SOBP: variants seen among roughly 807,000 people sequenced by gnomAD.
The protein encoded by SOBP is sine oculis binding protein homolog.
In SOBP, 4 loss-of-function variants were observed where a neutral mutation model predicts 53.6. That is an observed-to-expected ratio of 0.07 (90% CI 0.04 to 0.17). The LOEUF (loss-of-function observed/expected upper bound fraction) is 0.17, where lower values mean the gene tolerates loss of function less well. Ranked by LOEUF, SOBP falls within the 10% of genes least tolerant of loss-of-function variation. SOBP has a pLI of 1.00. For synonymous variants in SOBP, 584 were observed against 522.6 expected, an observed-to-expected ratio of 1.12 and a Z score of -1.60; for missense variants, 1,088 against 1,204.7, an observed-to-expected ratio of 0.90 and a Z score of 1.43.
At chr6:107,587,401 G>A (rs945878290) in intron 5 of SOBP, among the ~76,000 whole-genome samples, 3 of 152,104 alleles carry the variant, frequency 2.0e-5, no homozygotes, top group Non-Finnish European at 4.4e-5. Flanking sequence ...GTCTTTATTA[G>A]CTTGTTGTGT....
intron 4 of SOBP, among the ~76,000 whole-genome samples, chr6:107,570,699 T>G (rs567826969): frequency 2.1e-4 from 32 of 152,334 alleles, no homozygotes; most frequent in African/African-American, 7.7e-4. Flanking sequence ...GAGGTAGGGC[T>G]TTTCCACCCA....
chr6:107,573,599 C>T (rs899699217), intron 4 of SOBP, among the ~76,000 whole-genome samples: 1 of 152,176 alleles, frequency 6.6e-6, no homozygotes, highest in Non-Finnish European at 1.5e-5. Context: ...GTTGGAGTGG[C>T]ACCACATGGC....
intron 5 of SOBP, among the ~76,000 whole-genome samples, chr6:107,629,653 A>G (rs78968899): frequency 0.027 from 4,149 of 152,320 alleles, 190 homozygotes; most frequent in African/African-American, 0.094. Flanking sequence ...TATCAGGAGC[A>G]AGTGATATAT....
intron 6 of SOBP, among the ~76,000 whole-genome samples, chr6:107,640,604 G>C (rs946092203): frequency 2.0e-5 from 3 of 152,180 alleles, no homozygotes; most frequent in African/African-American, 7.2e-5. Flanking sequence ...ATGGTGTCAA[G>C]ATTGGCCTGA....
chr6:107,559,480 C>T (rs1466055695), intron 4 of SOBP, among the ~76,000 whole-genome samples: 1 of 152,034 alleles, frequency 6.6e-6, no homozygotes, highest in Non-Finnish European at 1.5e-5. Flanking sequence ...ACTAAGAAAA[C>T]AATAGAAACA....
intron 1 of SOBP, among the ~76,000 whole-genome samples, chr6:107,492,997 T>C (rs1782614871): frequency 6.6e-6 from 1 of 152,192 alleles, no homozygotes; most frequent in African/African-American, 2.4e-5. Flanking sequence ...AAAAGTGGTT[T>C]CTCAAAGTCA....
intron 4 of SOBP, among the ~76,000 whole-genome samples, chr6:107,550,165 AGGATACT>A (rs1784423198): frequency 6.6e-6 from 1 of 152,246 alleles, no homozygotes; most frequent in South Asian, 2.1e-4. Flanking sequence ...GGCTTGGACC[AGGATACT>A]GGAATAGTGT....
At chr6:107,518,856 C>G (rs59929670) in intron 3 of SOBP, among the ~76,000 whole-genome samples, 3,382 of 151,230 alleles carry the variant, frequency 0.022, 149 homozygotes, top group African/African-American at 0.078. Flanking sequence ...ATTTTAAACT[C>G]CTCCTAATTT....
intron 4 of SOBP, among the ~76,000 whole-genome samples, chr6:107,550,852 A>G (rs972116959): frequency 1.4e-4 from 22 of 152,218 alleles, no homozygotes; most frequent in South Asian, 4.1e-4. Context: ...AATATCACGG[A>G]CTTTGTAGGA....
intron 5 of SOBP, among the ~76,000 whole-genome samples, chr6:107,604,788 G>A (rs1583262727): frequency 6.6e-6 from 1 of 152,210 alleles, no homozygotes. Flanking sequence ...AATTGTGTCA[G>A]CACCTTGGAG....
chr6:107,634,417 G>C lies in SOBP; in HGVS notation c.1573G>C (p.Val525Leu), dbSNP rs1770885051. ...APLVPPPTLL[V>L]PYPVIVPLPV... Reference sequence around the variant, plus strand: ...GCTGGTGCCGCCCCCGACCCTGCTCGTGCCGTACCCCGTGATCGTGCCCCT... The same window carrying C: ...GCTGGTGCCGCCCCCGACCCTGCTCCTGCCGTACCCCGTGATCGTGCCCCT... The change falls in exon 6 of 7, where the codon GTG (valine) becomes CTG (leucine). Residue 525 changes from valine to leucine, a missense_variant. This residue lies in a region of SOBP where 665 missense variants were observed against 629.7 expected (regional missense o/e 1.06). Transcript: ENST00000317357. The surrounding 1 kb of genome is among the most constrained non-coding windows in gnomAD (Gnocchi z 4.5). 6.2e-7 allele frequency: 1 copy of C among 1,605,166 alleles called. No homozygotes were observed. The highest frequency in any genetic ancestry group is 8.5e-7 in the Non-Finnish European group (1 of 1,179,716).
rs1169143426 is a variant in SOBP at position 107,635,362 on chromosome 6, A to G, written c.2518A>G (p.Met840Val). ...PVPKPAEKAA[M>V]APCIISSPML... ...GCCAAAACCCGCGGAGAAGGCTGCC[A>G]TGGCACCGTGCATCATCTCCTCGCC... The change falls in exon 6 of 7, where the codon ATG becomes GTG. Residue 840 changes from methionine to valine, a missense_variant. Around this residue, in one of 6 missense-constraint regions of SOBP, gnomAD observed 665 missense variants for 629.7 expected, o/e 1.06. Transcript: ENST00000317357. The surrounding 1 kb of genome is among the most constrained non-coding windows in gnomAD (Gnocchi z 4.5). 10 of 1,613,442 alleles carry G rather than the reference A, an allele frequency of 6.2e-6. No homozygotes were observed. Among genetic ancestry groups the G allele is most frequent in the Middle Eastern group, 1.6e-4 (1 of 6,084 alleles).
chr6:107,569,267 A>G (rs1008449546), intron 4 of SOBP, among the ~76,000 whole-genome samples: 1 of 152,232 alleles, frequency 6.6e-6, no homozygotes, highest in African/African-American at 2.4e-5. Flanking sequence ...GGATAAGACA[A>G]AAATAACAAT....
chr6:107,560,707 G>A (rs148348477), intron 4 of SOBP, among the ~76,000 whole-genome samples: 6 of 152,200 alleles, frequency 3.9e-5, no homozygotes, highest in African/African-American at 1.4e-4. Context: ...GAGACTCAGA[G>A]AACTTAACCT....
At chr6:107,589,608 T>C (rs1328358521) in intron 5 of SOBP, among the ~76,000 whole-genome samples, 4 of 152,228 alleles carry the variant, frequency 2.6e-5, no homozygotes, top group Admixed American at 2.6e-4. Context: ...AATCCCAAAC[T>C]GTGATATGTG....
intron 4 of SOBP, among the ~76,000 whole-genome samples, chr6:107,584,567 G>T (rs1785507677): frequency 6.6e-6 from 1 of 152,160 alleles, no homozygotes; most frequent in African/African-American, 2.4e-5. Flanking sequence ...GTCAGGGTGG[G>T]TGTTAGAGGA....
intron 1 of SOBP, among the ~76,000 whole-genome samples, chr6:107,499,813 T>C (rs1313098980): frequency 6.6e-6 from 1 of 152,352 alleles, no homozygotes; most frequent in South Asian, 2.1e-4. Context: ...GAGGCAGATA[T>C]CATAACCTGC....
At chr6:107,565,721 A>G (rs1784897950) in intron 4 of SOBP, among the ~76,000 whole-genome samples, 1 of 152,240 alleles carries the variant, frequency 6.6e-6, no homozygotes, top group Non-Finnish European at 1.5e-5. Context: ...GTGCAGAGTC[A>G]GAAGGACTGA....
At chr6:107,621,581 C>T (rs774637976) in intron 5 of SOBP, among the ~76,000 whole-genome samples, 4 of 152,162 alleles carry the variant, frequency 2.6e-5, no homozygotes, top group Non-Finnish European at 4.4e-5. Flanking sequence ...CTAAAAAAGA[C>T]GATAGGCAAT....
Sources: allele counts gnomAD v4.1 joint callset (sites outside exome capture counted in the v4.1 genomes callset), GRCh38; gene constraint gnomAD v4.1.1; regional missense constraint gnomAD v4.1.1; non-coding constraint Gnocchi (gnomAD v3.1); transcripts MANE v1.5; gene names NCBI Gene and HGNC (gene_info 2026-07-23, HGNC 2026-07-21).